SLC16A7: variants seen among roughly 807,000 people sequenced by gnomAD.
SLC16A7 encodes solute carrier family 16 member 7, also known as monocarboxylate transporter 2.
A neutral mutation model predicts 34.9 loss-of-function variants in SLC16A7; 33 were observed. The ratio of observed to expected loss-of-function variants is 0.94; its 90% CI spans 0.72 to 1.26. The LOEUF is 1.26. SLC16A7 is among the 50% of genes most tolerant of loss of function. SLC16A7 has a pLI of 0.00. For synonymous variants in SLC16A7, 201 were observed against 206.6 expected, an observed-to-expected ratio of 0.97 and a Z score of 0.23; for missense variants, 573 against 578.1, an observed-to-expected ratio of 0.99 and a Z score of 0.09.
intron 1 of SLC16A7, among the ~76,000 whole-genome samples, chr12:59,642,916 A>C (rs751699000): frequency 1.9e-4 from 29 of 152,122 alleles, no homozygotes; most frequent in Non-Finnish European, 3.7e-4. Context: ...TTGGGAATAC[A>C]GGCACAAAGG....
At chr12:59,643,336 T>C (rs1231824545) in intron 1 of SLC16A7, among the ~76,000 whole-genome samples, 1 of 152,166 alleles carries the variant, frequency 6.6e-6, no homozygotes, top group Admixed American at 6.6e-5. Context: ...GTCTCTAATA[T>C]ACATATAAGT....
At chr12:59,741,807 G>A (rs1393990029) in intron 3 of SLC16A7, among the ~76,000 whole-genome samples, 1 of 152,184 alleles carries the variant, frequency 6.6e-6, no homozygotes, top group Non-Finnish European at 1.5e-5. Context: ...TTGCCTGCCA[G>A]TCCTCCTGTT....
intron 1 of SLC16A7, among the ~76,000 whole-genome samples, chr12:59,605,343 A>T (rs1004542556): frequency 6.6e-6 from 1 of 152,200 alleles, no homozygotes; most frequent in Non-Finnish European, 1.5e-5. Flanking sequence ...CAGTAAGTCC[A>T]GGATGTCATT....
At chr12:59,767,601 C>A (rs1279357556) in intron 3 of SLC16A7, among the ~76,000 whole-genome samples, 1 of 152,076 alleles carries the variant, frequency 6.6e-6, no homozygotes, top group African/African-American at 2.4e-5. Flanking sequence ...TATAATAGTA[C>A]ATTTGTTTAC....
At chr12:59,749,861 T>A (rs1879310726) in intron 3 of SLC16A7, among the ~76,000 whole-genome samples, 1 of 152,112 alleles carries the variant, frequency 6.6e-6, no homozygotes, top group African/African-American at 2.4e-5. Flanking sequence ...ATAATAAAAA[T>A]CACACCAGAG....
rs1018167754 is a variant in SLC16A7 at position 59,788,633 on chromosome 12, T to C, written c.*8954T>C. 6.6e-6 allele frequency: 1 copy of C among 152,004 alleles called. No homozygotes were observed. The highest frequency in any genetic ancestry group is 1.5e-5 in the Non-Finnish European group (1 of 67,942). 9.4% of individuals were successfully genotyped at this position (152,004 alleles called of 1,614,324 possible). A position where few individuals can be genotyped will look rare whatever the true frequency, so the allele number is the denominator to read the frequency against. On this transcript the variant is annotated 3_prime_UTR_variant, in exon 6 of 6. Coordinates refer to ENST00000547379, the MANE Select transcript of SLC16A7 (RefSeq NM_001270623.2). ...TTTTAAAATATAAGATAGAACCTTC[T>C]TTTTTTGCCTTCTTACACATGAATG...
chr12:59,674,107 A>T (rs1033030417), intron 2 of SLC16A7, among the ~76,000 whole-genome samples: 3 of 152,226 alleles, frequency 2.0e-5, no homozygotes, highest in African/African-American at 7.2e-5. Flanking sequence ...TTTATGTTGA[A>T]TTAACATTTC....
chr12:59,656,208 A>G (rs1001777678), intron 2 of SLC16A7, among the ~76,000 whole-genome samples: 4 of 151,932 alleles, frequency 2.6e-5, no homozygotes, highest in African/African-American at 9.7e-5. Context: ...TGGTATATCT[A>G]TGTAGTAAAC....
At chr12:59,765,341 A>C (rs1369178871) in intron 3 of SLC16A7, among the ~76,000 whole-genome samples, 1 of 151,898 alleles carries the variant, frequency 6.6e-6, no homozygotes, top group Non-Finnish European at 1.5e-5. Flanking sequence ...GTTTAATTAG[A>C]TCTCATTTGT....
At chr12:59,640,427 C>T (rs1880627472) in intron 1 of SLC16A7, among the ~76,000 whole-genome samples, 1 of 105,646 alleles carries the variant, frequency 9.5e-6, no homozygotes, top group Admixed American at 1.0e-4. Context: ...GAACTTTATG[C>T]CCCCCCAGAG....
intron 3 of SLC16A7, chr12:59,768,204 A>G: frequency 2.2e-6 from 1 of 455,846 alleles, no homozygotes; most frequent in South Asian, 1.6e-5. Flanking sequence ...GCTATTCTAG[A>G]TAACATCACG....
intron 3 of SLC16A7, among the ~76,000 whole-genome samples, chr12:59,722,443 T>C (rs1875714291): frequency 6.6e-6 from 1 of 151,862 alleles, no homozygotes; most frequent in African/African-American, 2.4e-5. Context: ...ATAACCTAAG[T>C]TCAATCATGT....
chr12:59,606,444 A>T (rs961783247), intron 1 of SLC16A7, among the ~76,000 whole-genome samples: 1 of 152,230 alleles, frequency 6.6e-6, no homozygotes, highest in Non-Finnish European at 1.5e-5. Flanking sequence ...TATTTGTTCC[A>T]ATTAAAACAC....
At chr12:59,661,353 C>G (rs1481695265) in intron 2 of SLC16A7, among the ~76,000 whole-genome samples, 1 of 152,040 alleles carries the variant, frequency 6.6e-6, no homozygotes, top group Non-Finnish European at 1.5e-5. Context: ...GGATTGGCAA[C>G]TTGGGTTTCA....
At chr12:59,622,697 A>C (rs1240825482) in intron 1 of SLC16A7, among the ~76,000 whole-genome samples, 1 of 151,828 alleles carries the variant, frequency 6.6e-6, no homozygotes, top group Non-Finnish European at 1.5e-5. Context: ...GCACTGTTCG[A>C]AACATTTTTC....
intron 1 of SLC16A7, among the ~76,000 whole-genome samples, chr12:59,649,455 G>T (rs987374077): frequency 1.3e-5 from 2 of 152,138 alleles, no homozygotes; most frequent in African/African-American, 4.8e-5. Context: ...AAGGTGTTTT[G>T]CTATTTCATT....
At chr12:59,726,276 GA>G (rs1308876400) in intron 3 of SLC16A7, among the ~76,000 whole-genome samples, 1 of 152,110 alleles carries the variant, frequency 6.6e-6, no homozygotes, top group Non-Finnish European at 1.5e-5. Context: ...GGAATATAAA[GA>G]ATGGCTATTT....
At chr12:59,682,088 T>G (rs984924952) in intron 2 of SLC16A7, among the ~76,000 whole-genome samples, 5 of 152,212 alleles carry the variant, frequency 3.3e-5, no homozygotes, top group Non-Finnish European at 7.4e-5. Context: ...AAGACTAAAA[T>G]TTCTTTACCT....
intron 2 of SLC16A7, among the ~76,000 whole-genome samples, chr12:59,656,314 T>C (rs1387546611): frequency 6.6e-6 from 1 of 151,986 alleles, no homozygotes; most frequent in African/African-American, 2.4e-5. Flanking sequence ...GAATTAAGGT[T>C]GCTAATCAGG....
Sources: allele counts gnomAD v4.1 joint callset (sites outside exome capture counted in the v4.1 genomes callset), GRCh38; gene constraint gnomAD v4.1.1; transcripts MANE v1.5; gene names NCBI Gene and HGNC (gene_info 2026-07-23, HGNC 2026-07-21).